Variants in ANKS1B observed in about 807,000 individuals in gnomAD.
The protein encoded by ANKS1B is ankyrin repeat and sterile alpha motif domain-containing protein 1B.
Under a neutral mutation model 148.3 loss-of-function variants are expected in ANKS1B, and 36 were observed. The ratio of observed to expected loss-of-function variants is 0.24; its 90% CI spans 0.19 to 0.32. The LOEUF is 0.32. Ranked by LOEUF, ANKS1B falls within the 10% of genes least tolerant of loss-of-function variation. The probability of loss-of-function intolerance (pLI) is 1.00; values close to 1 mark genes in which losing one functional copy is unlikely to be tolerated. For missense variants in ANKS1B, 1,157 were observed against 1,542.6 expected, an observed-to-expected ratio of 0.75 and a Z score of 4.19; for synonymous variants, 542 against 560.8, an observed-to-expected ratio of 0.97 and a Z score of 0.47.
chr12:98,946,407 T>G (rs1323588650), intron 17 of ANKS1B, among the ~76,000 whole-genome samples: 1 of 152,200 alleles, frequency 6.6e-6, no homozygotes, highest in Non-Finnish European at 1.5e-5. Context: ...TTATATTTCC[T>G]CATTCATTCA....
At chr12:98,735,433 A>C (rs1430520165) in exon 10 of ANKS1B, 1 of 431,812 alleles carries the variant, frequency 2.3e-6, no homozygotes, top group Non-Finnish European at 4.2e-6. Flanking sequence ...TTTGAAAAAC[A>C]TTTTTGGATT....
At chr12:99,433,588 T>C (rs2095413723) in intron 11 of ANKS1B, among the ~76,000 whole-genome samples, 2 of 152,054 alleles carry the variant, frequency 1.3e-5, no homozygotes, top group African/African-American at 2.4e-5. Flanking sequence ...TGGGGTCAAG[T>C]TTTTAAGCCT....
At chr12:99,584,956 C>T (rs56391070) in intron 9 of ANKS1B, among the ~76,000 whole-genome samples, 17,854 of 152,028 alleles carry the variant, frequency 0.12, 1,321 homozygotes, top group Non-Finnish European at 0.16. Context: ...CTCAGCCAAA[C>T]TACATCATCC....
chr12:98,758,048 C>T (rs34105601), intron 25 of ANKS1B, among the ~76,000 whole-genome samples: 14,269 of 152,138 alleles, frequency 0.094, 857 homozygotes, highest in Non-Finnish European at 0.14. Context: ...TAATACCATA[C>T]GCAGTACCCC....
At chr12:99,103,595 G>C (rs2058492737) in intron 15 of ANKS1B, among the ~76,000 whole-genome samples, 1 of 152,064 alleles carries the variant, frequency 6.6e-6, no homozygotes, top group African/African-American at 2.4e-5. Context: ...AAACAAGGAA[G>C]GGATTCAATC....
intron 12 of ANKS1B, among the ~76,000 whole-genome samples, chr12:99,297,357 G>T (rs1312280755): frequency 2.6e-5 from 4 of 152,118 alleles, no homozygotes; most frequent in African/African-American, 9.7e-5. Flanking sequence ...TCCTTAATGA[G>T]ATCATACAAC....
chr12:98,844,827 A>G (rs1190362877), intron 17 of ANKS1B, among the ~76,000 whole-genome samples: 1 of 152,260 alleles, frequency 6.6e-6, no homozygotes, highest in Non-Finnish European at 1.5e-5. Flanking sequence ...TAAGAAGAAT[A>G]CTTATCAGAT....
At chr12:99,678,263 T>C (rs1371979760) in intron 8 of ANKS1B, among the ~76,000 whole-genome samples, 1 of 152,178 alleles carries the variant, frequency 6.6e-6, no homozygotes, top group Non-Finnish European at 1.5e-5. Context: ...TTTTCATGAT[T>C]CCAGGAAGAT....
chr12:99,122,818 A>G (rs1386642402), intron 15 of ANKS1B, among the ~76,000 whole-genome samples: 1 of 152,026 alleles, frequency 6.6e-6, no homozygotes, highest in Non-Finnish European at 1.5e-5. Flanking sequence ...AAAGCATGGT[A>G]CTAGTAAAGC....
intron 9 of ANKS1B, among the ~76,000 whole-genome samples, chr12:99,638,120 C>T (rs900314390): frequency 2.8e-4 from 43 of 152,126 alleles, no homozygotes; most frequent in African/African-American, 9.2e-4. Context: ...CTTTCTGCCA[C>T]GAACTAATAT....
intron 12 of ANKS1B, among the ~76,000 whole-genome samples, chr12:99,398,407 C>G (rs2094312882): frequency 6.6e-6 from 1 of 152,104 alleles, no homozygotes; most frequent in Admixed American, 6.5e-5. Context: ...ATATGGAATA[C>G]TCACATAGAC....
intron 7 of ANKS1B, among the ~76,000 whole-genome samples, chr12:99,773,768 G>A (rs1331677237): frequency 6.6e-6 from 1 of 151,992 alleles, no homozygotes; most frequent in Non-Finnish European, 1.5e-5. Flanking sequence ...TTTAACATCA[G>A]CTGACTATAG....
intron 15 of ANKS1B, among the ~76,000 whole-genome samples, chr12:99,129,978 T>C (rs2065636141): frequency 6.6e-6 from 1 of 152,338 alleles, no homozygotes; most frequent in African/African-American, 2.4e-5. Flanking sequence ...TCATGAGTAA[T>C]AGGTTGGTCC....
At chr12:98,880,967 C>T (rs1489718376) in intron 17 of ANKS1B, among the ~76,000 whole-genome samples, 1 of 151,790 alleles carries the variant, frequency 6.6e-6, no homozygotes, top group East Asian at 1.9e-4. Context: ...GAATGGCAAA[C>T]AGACACTGCT....
chr12:98,977,221 G>A (rs2099898182), intron 17 of ANKS1B, among the ~76,000 whole-genome samples: 1 of 152,168 alleles, frequency 6.6e-6, no homozygotes, highest in Non-Finnish European at 1.5e-5. Context: ...AATTCCAGCA[G>A]CTTAGACATA....
chr12:99,003,133 C>G (rs1334863278), intron 17 of ANKS1B, among the ~76,000 whole-genome samples: 3 of 152,148 alleles, frequency 2.0e-5, no homozygotes. Flanking sequence ...TGTCAAAGAT[C>G]AATTGATCAT....
chr12:99,633,361 G>A (rs981423835), intron 9 of ANKS1B, among the ~76,000 whole-genome samples: 3 of 152,048 alleles, frequency 2.0e-5, no homozygotes, highest in South Asian at 2.1e-4. Context: ...TCTTTGACAA[G>A]CCTGACAAAA....
chr12:98,938,158 T>C (rs768410936), intron 17 of ANKS1B, among the ~76,000 whole-genome samples: 1 of 152,226 alleles, frequency 6.6e-6, no homozygotes, highest in African/African-American at 2.4e-5. Flanking sequence ...GTCCCTGGTA[T>C]GTATTTCATA....
At position 99,400,682 on chromosome 12, in the gene ANKS1B, T is replaced by G. The variant is rs1052254929; in HGVS notation, c.1576-871A>C. On this transcript the variant is annotated intron_variant, in intron 11 of 26. Transcript: ENST00000683438. ...ATTCAACTCTACCTTTCTTACTTTT[T>G]ATTTTTTAGTTTATATTACTGAAAT... Among the ~76,000 whole-genome samples the G allele has an allele frequency of 1.4e-4, 20 of 145,154 alleles. 1 individual carries two copies. The highest frequency in any genetic ancestry group is 5.2e-4 in the African/African-American group (20 of 38,254).
Sources: gnomAD v4.1 joint callset for allele counts (sites outside exome capture counted in the v4.1 genomes callset) on GRCh38, gnomAD v4.1.1 for gene constraint, MANE v1.5 for transcripts, NCBI Gene and HGNC (gene_info 2026-07-23, HGNC 2026-07-21) for gene names.